LRRC18: variants seen among roughly 807,000 people sequenced by gnomAD.
The protein encoded by LRRC18 is leucine-rich repeat-containing protein 18.
Under a neutral mutation model 11.2 loss-of-function variants are expected in LRRC18, and 12 were observed. The observed-to-expected ratio is 1.07, with a 90% confidence interval of 0.69 to 1.74. The LOEUF (loss-of-function observed/expected upper bound fraction) is 1.74, where lower values mean the gene tolerates loss of function less well. Among genes scored for constraint, LRRC18 ranks in the 40% most tolerant of loss-of-function variants. The pLI is 0.00. For synonymous variants in LRRC18, 155 were observed against 130.6 expected, an observed-to-expected ratio of 1.19 and a Z score of -1.27; for missense variants, 374 against 330.5, an observed-to-expected ratio of 1.13 and a Z score of -1.02.
chr10:48,939,049 G>A, the LRRC18 span, among the ~76,000 whole-genome samples: 3 of 152,196 alleles, frequency 2.0e-5, no homozygotes, highest in African/African-American at 7.2e-5. Context: ...GTAGCTCAAT[G>A]CAGGCACCCA....
upstream of LRRC18, among the ~76,000 whole-genome samples, chr10:48,915,129 A>G (rs1449393055): frequency 6.6e-6 from 1 of 152,168 alleles, no homozygotes; most frequent in Admixed American, 6.5e-5. Flanking sequence ...ATTTGTGAAA[A>G]CAGACACCCT....
chr10:48,921,836 G>T, the LRRC18 span, among the ~76,000 whole-genome samples: 3 of 152,162 alleles, frequency 2.0e-5, no homozygotes, highest in Non-Finnish European at 4.4e-5. Context: ...GCAAGGAGAT[G>T]CTGCAACTAG....
chr10:48,924,505 C>T, the LRRC18 span, among the ~76,000 whole-genome samples: 12 of 152,166 alleles, frequency 7.9e-5, no homozygotes, highest in Non-Finnish European at 1.3e-4. Flanking sequence ...AATAGACAGA[C>T]GAATGGATGT....
At chr10:48,938,123 TA>T in the LRRC18 span, among the ~76,000 whole-genome samples, 1 of 152,260 alleles carries the variant, frequency 6.6e-6, no homozygotes, top group Non-Finnish European at 1.5e-5. Context: ...TAGTGCTTCT[TA>T]ACTCAAGAAA....
chr10:48,917,543 T>A (rs1838663708), upstream of LRRC18, among the ~76,000 whole-genome samples: 1 of 152,218 alleles, frequency 6.6e-6, no homozygotes, highest in African/African-American at 2.4e-5. Flanking sequence ...TAGGAATGAC[T>A]GCAGGTTTCT....
chr10:48,919,227 G>A (rs759985838), upstream of LRRC18, among the ~76,000 whole-genome samples: 23 of 151,786 alleles, frequency 1.5e-4, no homozygotes, highest in Non-Finnish European at 2.2e-4. Context: ...GTTAAAGGGA[G>A]GATTTACTAA....
the LRRC18 span, among the ~76,000 whole-genome samples, chr10:48,925,990 G>A: frequency 6.6e-6 from 1 of 152,128 alleles, no homozygotes; most frequent in Non-Finnish European, 1.5e-5. Context: ...AGTCACACAG[G>A]CAGCAAAGAA....
At chr10:48,914,037 G>A (rs754736470) in exon 1 of LRRC18, 2 of 1,614,104 alleles carry the variant, frequency 1.2e-6, no homozygotes, top group African/African-American at 1.3e-5. Flanking sequence ...GGGGAAGGTG[G>A]TAATTCCCAT....
the LRRC18 span, among the ~76,000 whole-genome samples, chr10:48,939,197 C>T: frequency 6.6e-6 from 1 of 152,222 alleles, no homozygotes; most frequent in Non-Finnish European, 1.5e-5. Flanking sequence ...AAGCAGGCCC[C>T]ACTCTGCCAC....
chr10:48,910,404 T>A, intron 1 of LRRC18, 146 bp from the exon 4 acceptor site: 2 of 733,598 alleles, frequency 2.7e-6, no homozygotes, highest in South Asian at 3.1e-5. Context: ...TTGTTGTATT[T>A]GAGGAAAGAG....
chr10:48,933,632 T>C, the LRRC18 span, among the ~76,000 whole-genome samples: 3 of 152,146 alleles, frequency 2.0e-5, no homozygotes, highest in African/African-American at 7.2e-5. Flanking sequence ...ATGCATGTGT[T>C]ATTAGACCCA....
chr10:48,921,618 G>T, the LRRC18 span, among the ~76,000 whole-genome samples: 1 of 149,416 alleles, frequency 6.7e-6, no homozygotes, highest in Non-Finnish European at 1.5e-5. Context: ...AAAAAAAAAC[G>T]TTGAGCATGA....
upstream of LRRC18, among the ~76,000 whole-genome samples, chr10:48,914,472 G>C (rs1838315125): frequency 6.6e-6 from 1 of 152,158 alleles, no homozygotes. Context: ...GACACTAAAT[G>C]TCCCTCTAGC....
At chr10:48,911,573 G>T (rs1028538741) in intron 1 of LRRC18, among the ~76,000 whole-genome samples, 2 of 152,142 alleles carry the variant, frequency 1.3e-5, no homozygotes, top group African/African-American at 4.8e-5. Flanking sequence ...TAACTATCTT[G>T]CAGATGTTTT....
At chr10:48,926,778 AAG>A in the LRRC18 span, among the ~76,000 whole-genome samples, 55 of 152,216 alleles carry the variant, frequency 3.6e-4, no homozygotes, top group African/African-American at 1.3e-3. Flanking sequence ...TTGACAATGA[AAG>A]AGAGAAAGAG....
chr10:48,910,550 G>A (rs572302933), intron 1 of LRRC18, among the ~76,000 whole-genome samples: 5 of 152,294 alleles, frequency 3.3e-5, no homozygotes, highest in South Asian at 2.1e-4. Context: ...AATAGAATGC[G>A]GAAGATGCCT....
chr10:48,917,286 C>G (rs987627696), upstream of LRRC18, among the ~76,000 whole-genome samples: 2 of 152,130 alleles, frequency 1.3e-5, no homozygotes, highest in Admixed American at 1.3e-4. Context: ...TATACTTACA[C>G]CTGTATCTCA....
chr10:48,913,261 G>A, intron 1 of LRRC18, 131 bp downstream of exon 3: 1 of 813,184 alleles, frequency 1.2e-6, no homozygotes, highest in Non-Finnish European at 2.0e-6. Flanking sequence ...GTAAGGAAAG[G>A]AGTTTTATGG....
chr10:48,914,184 T>G (rs1838286332), exon 1 of LRRC18: 1 of 1,597,150 alleles, frequency 6.3e-7, no homozygotes, highest in African/African-American at 1.3e-5. Flanking sequence ...TGTTAGAAGT[T>G]TATTGTTCTG....
Sources: allele counts gnomAD v4.1 joint callset (sites outside exome capture counted in the v4.1 genomes callset), GRCh38; gene constraint gnomAD v4.1.1; transcripts MANE v1.5; gene names NCBI Gene and HGNC (gene_info 2026-07-23, HGNC 2026-07-21).